The following MCF2L2 variants were observed in gnomAD, a reference collection of about 807,000 sequenced individuals.
MCF2L2 encodes the protein MCF.2 cell line derived transforming sequence-like 2, also known as probable guanine nucleotide exchange factor MCF2L2.
A neutral mutation model predicts 150.2 loss-of-function variants in MCF2L2; 102 were observed. The ratio of observed to expected loss-of-function variants is 0.68; its 90% CI spans 0.58 to 0.80. The LOEUF (loss-of-function observed/expected upper bound fraction) is 0.80, where lower values mean the gene tolerates loss of function less well. Ranked by LOEUF, MCF2L2 falls within the 30% of genes least tolerant of loss-of-function variation. The probability of loss-of-function intolerance (pLI) is 0.00; values close to 1 mark genes in which losing one functional copy is unlikely to be tolerated. For synonymous variants in MCF2L2, 465 were observed against 491.3 expected, an observed-to-expected ratio of 0.95 and a Z score of 0.71; for missense variants, 1,256 against 1,372.8, an observed-to-expected ratio of 0.91 and a Z score of 1.34.
At chr3:183,244,659 A>G (rs1292823594) in intron 15 of MCF2L2, among the ~76,000 whole-genome samples, 1 of 152,184 alleles carries the variant, frequency 6.6e-6, no homozygotes, top group Non-Finnish European at 1.5e-5. Context: ...AGATGTAAAA[A>G]CAGAAGTAGA....
chr3:183,416,134 CTA>C (rs1198593211), intron 1 of MCF2L2, among the ~76,000 whole-genome samples: 1 of 152,068 alleles, frequency 6.6e-6, no homozygotes, highest in Non-Finnish European at 1.5e-5. Flanking sequence ...AATGTTACTT[CTA>C]TATAGTGCTA....
chr3:183,423,468 A>G (rs762320189), intron 1 of MCF2L2, among the ~76,000 whole-genome samples: 64 of 152,284 alleles, frequency 4.2e-4, no homozygotes, highest in Non-Finnish European at 8.5e-4. Flanking sequence ...TTCACAGTTA[A>G]TTGGGTGTAG....
At chr3:183,405,077 T>C (rs187769626) in intron 1 of MCF2L2, among the ~76,000 whole-genome samples, 2 of 152,270 alleles carry the variant, frequency 1.3e-5, no homozygotes, top group East Asian at 3.9e-4. Context: ...ATGTACAGTA[T>C]AGTTTTCATA....
intron 18 of MCF2L2, 88 bp downstream of exon 18, chr3:183,228,209 C>T: frequency 4.3e-6 from 4 of 922,958 alleles, no homozygotes; most frequent in Non-Finnish European, 7.1e-6. Context: ...GTTTTTAGAC[C>T]ATTGATGTTT....
At chr3:183,355,474 G>C (rs188328230) in intron 3 of MCF2L2, among the ~76,000 whole-genome samples, 2 of 150,924 alleles carry the variant, frequency 1.3e-5, no homozygotes, top group Non-Finnish European at 3.0e-5. Context: ...TTGAGACGGA[G>C]TCTCGCTCTG....
intron 14 of MCF2L2, among the ~76,000 whole-genome samples, chr3:183,280,418 G>A (rs891514810): frequency 2.0e-4 from 30 of 148,694 alleles, no homozygotes; most frequent in African/African-American, 6.2e-4. Flanking sequence ...TATTGAAATT[G>A]TTTTTTTTTT....
rs765958995 is a variant in MCF2L2, at chr3:183,179,568, C to T, written c.3221+9G>A. The T allele has an allele frequency of 1.9e-5, 30 of 1,613,840 alleles. No homozygotes were observed. Among genetic ancestry groups the T allele is most frequent in the East Asian group, 4.5e-5 (2 of 44,874 alleles). On this transcript the variant is annotated intron_variant, in intron 29 of 29. Coordinates refer to ENST00000328913, the MANE Select transcript of MCF2L2 (RefSeq NM_015078.4). The surrounding 1 kb of genome is among the most constrained non-coding windows in gnomAD (Gnocchi z 4.2). ...AAGAGGCGCTTAGTCTTTCCTCGCT[C>T]ACACTCACGTTTCCTCCTCATCGCG...
At chr3:183,228,155 C>T in intron 18 of MCF2L2, 142 bp downstream of exon 18, 2 of 613,054 alleles carry the variant, frequency 3.3e-6, no homozygotes, top group Non-Finnish European at 5.8e-6. Flanking sequence ...TTTTATTTAC[C>T]AATTATACTT....
intron 5 of MCF2L2, among the ~76,000 whole-genome samples, chr3:183,334,439 C>T (rs1256531178): frequency 2.0e-5 from 3 of 151,876 alleles, no homozygotes; most frequent in Non-Finnish European, 4.4e-5. Flanking sequence ...AGATGAGCAC[C>T]GTGGGCCTCC....
intron 10 of MCF2L2, among the ~76,000 whole-genome samples, chr3:183,301,107 A>G (rs1273218436): frequency 1.3e-5 from 2 of 151,896 alleles, no homozygotes; most frequent in Admixed American, 1.3e-4. Context: ...TGTCTGCTCA[A>G]TCACATTTCC....
intron 13 of MCF2L2, among the ~76,000 whole-genome samples, chr3:183,294,180 T>C (rs1417133553): frequency 6.6e-6 from 1 of 152,184 alleles, no homozygotes; most frequent in Non-Finnish European, 1.5e-5. Context: ...TAATAAGCTA[T>C]GGTAATCAGG....
At chr3:183,209,906 G>A (rs1297005910) in intron 22 of MCF2L2, among the ~76,000 whole-genome samples, 1 of 151,412 alleles carries the variant, frequency 6.6e-6, no homozygotes, top group African/African-American at 2.4e-5. Flanking sequence ...ACATAACTCA[G>A]TACGTATGCA....
In MCF2L2 at chr3:183,371,106, C is replaced by T. The variant is rs570821859; in HGVS notation, c.275+8191G>A. Among the ~76,000 whole-genome samples the T allele has an allele frequency of 1.4e-4, 22 of 152,354 alleles. No individual in the cohort carries two copies. The South Asian group carries it at 2.5e-3, about 17-fold the overall frequency. On this transcript the variant is annotated intron_variant, in intron 3 of 29. Transcript: ENST00000328913. ...CCACACCTCACCCCAGCTACTCCAT[C>T]AAAGCAGCACTTTTGCTCGTTAATG... is the stretch of plus-strand genomic sequence containing the variant.
chr3:183,327,457 C>T (rs1478497708), intron 5 of MCF2L2, among the ~76,000 whole-genome samples: 1 of 152,254 alleles, frequency 6.6e-6, no homozygotes, highest in Non-Finnish European at 1.5e-5. Context: ...AAACTACAAC[C>T]TGGCACACAG....
At chr3:183,318,799 C>T (rs1306539301) in intron 6 of MCF2L2, among the ~76,000 whole-genome samples, 1 of 151,216 alleles carries the variant, frequency 6.6e-6, no homozygotes, top group Non-Finnish European at 1.5e-5. Context: ...TGTGCAATAG[C>T]ATTATGTCAA....
chr3:183,275,577 G>A (rs1727114867), intron 15 of MCF2L2, among the ~76,000 whole-genome samples: 1 of 152,150 alleles, frequency 6.6e-6, no homozygotes, highest in African/African-American at 2.4e-5. Flanking sequence ...TTTCTCATAA[G>A]TATGATTTGG....
chr3:183,396,905 C>T (rs907283396), intron 1 of MCF2L2, among the ~76,000 whole-genome samples: 15 of 152,198 alleles, frequency 9.9e-5, no homozygotes, highest in African/African-American at 3.6e-4. Flanking sequence ...GAAATAGCTA[C>T]AGCCCCCAGA....
rs1032180172 is a variant in MCF2L2 at position 183,181,948 on chromosome 3, T to C, written c.3017-1789A>G. Among the ~76,000 whole-genome samples, 2 of 152,124 alleles carry C rather than the reference T, an allele frequency of 1.3e-5. No homozygotes were observed. Among genetic ancestry groups the C allele is most frequent in the Non-Finnish European group, 2.9e-5 (2 of 68,006 alleles). ...TGGTACCTCCAGGTAAAATGATTAG[T>C]TGGTTCCAGCCCCTCTGCAGGGTAA... On this transcript the variant is annotated intron_variant, in intron 27 of 29. Transcript: ENST00000328913. This position sits in a 1 kb window ranked among gnomAD's most constrained non-coding sequence, Gnocchi z 4.3.
intron 23 of MCF2L2, among the ~76,000 whole-genome samples, chr3:183,207,250 C>T (rs573019670): frequency 6.6e-6 from 1 of 152,264 alleles, no homozygotes; most frequent in Admixed American, 6.5e-5. Context: ...AAAGATACAC[C>T]GTTGAGAAGG....
Sources: gnomAD v4.1 joint callset for allele counts (sites outside exome capture counted in the v4.1 genomes callset) on GRCh38, gnomAD v4.1.1 for gene constraint, Gnocchi (gnomAD v3.1) non-coding constraint, MANE v1.5 for transcripts, NCBI Gene and HGNC (gene_info 2026-07-23, HGNC 2026-07-21) for gene names.